WLS: variants seen among roughly 807,000 people sequenced by gnomAD.
WLS encodes Wnt ligand secretion mediator, also known as protein wntless homolog.
A neutral mutation model predicts 62.8 loss-of-function variants in WLS; 23 were observed. That is an observed-to-expected ratio of 0.37 (90% CI 0.26 to 0.52). The LOEUF (loss-of-function observed/expected upper bound fraction) is 0.52. WLS is among the 20% of genes least tolerant of loss of function. WLS has a pLI of 0.92. For missense variants in WLS, 615 were observed against 697.3 expected (o/e 0.88, Z 1.33); for synonymous variants, 246 against 244.1 (o/e 1.01, Z -0.07).
chr1:68,188,468 T>C (rs1648099435), intron 2 of WLS, among the ~76,000 whole-genome samples: 1 of 152,156 alleles, frequency 6.6e-6, no homozygotes, highest in African/African-American at 2.4e-5. Flanking sequence ...TAGTAAGGAC[T>C]CAGAGAAGAC....
chr1:68,180,980 A>C (rs1647534393), intron 2 of WLS, among the ~76,000 whole-genome samples: 1 of 152,246 alleles, frequency 6.6e-6, no homozygotes. Flanking sequence ...TTCTAGCATC[A>C]GTGTGTAGAC....
chr1:68,155,603 C>G (rs894194280), intron 3 of WLS, among the ~76,000 whole-genome samples: 6 of 152,132 alleles, frequency 3.9e-5, no homozygotes, highest in African/African-American at 1.4e-4. Context: ...TCTGCCAGGG[C>G]TACAAGAGTT....
At chr1:68,123,356 C>A (rs1646386607), downstream of WLS, among the ~76,000 whole-genome samples, 1 of 151,882 alleles carries the variant, frequency 6.6e-6, no homozygotes, top group East Asian at 1.9e-4. Context: ...TCTTTGAAAC[C>A]CCACATTTCT....
intron 1 of WLS, among the ~76,000 whole-genome samples, chr1:68,218,627 A>G (rs1649827580): frequency 6.6e-6 from 1 of 152,126 alleles, no homozygotes; most frequent in African/African-American, 2.4e-5. Context: ...CAGTTTACAT[A>G]TGCTCCTTTA....
At chr1:68,112,672 A>G (rs576031426) in intron 11 of WLS, among the ~76,000 whole-genome samples, 8 of 152,320 alleles carry the variant, frequency 5.3e-5, no homozygotes, top group African/African-American at 1.7e-4. Context: ...ATTGCCCCCA[A>G]TCAGGAGTTA....
In WLS at chr1:68,136,403, T is replaced by C. The variant is rs78837152; in HGVS notation, c.1516+1377A>G. Among the ~76,000 whole-genome samples the C allele has an allele frequency of 6.2e-4, 94 of 152,338 alleles. 1 individual carries two copies. In the East Asian group the frequency reaches 0.016, roughly 26 times the overall value. Reference sequence around the variant, plus strand: ...TACACAATAAATGTCATGTGGAAAGTAGACTCATGATCCCCTAGGCATATT... The same window carrying C: ...TACACAATAAATGTCATGTGGAAAGCAGACTCATGATCCCCTAGGCATATT... On this transcript the variant is annotated intron_variant, in intron 11 of 11. Coordinates refer to ENST00000262348, the MANE Select transcript of WLS (RefSeq NM_024911.7).
rs74081369 is a variant in WLS, at chr1:68,107,940, C to G, written c.1511-9187G>C. On this transcript the variant is annotated intron_variant, in intron 11 of 11. Coordinates refer to the WLS transcript ENST00000354777. ...GTGTGGCAGGAGGCCAGTTCTAGAG[C>G]CTTCCAGACCCAGCTCCCCGGGAGA... 3.1e-3 allele frequency among the ~76,000 whole-genome samples: 477 copies of G among 152,264 alleles called. 2 individuals are homozygous for G. The highest frequency in any genetic ancestry group is 0.011 in the African/African-American group (449 of 41,538).
chr1:68,159,051 A>G, intron 3 of WLS, 72 bp downstream of exon 3: 1 of 1,594,260 alleles, frequency 6.3e-7, no homozygotes, highest in Non-Finnish European at 8.6e-7. Context: ...ACACCTATGA[A>G]AAGTAAGCAA....
At chr1:68,127,722 TTAAG>T (rs539591162) in intron 11 of WLS, among the ~76,000 whole-genome samples, 222 of 152,320 alleles carry the variant, frequency 1.5e-3, no homozygotes, top group Non-Finnish European at 2.7e-3. Context: ...AAGCATAGAA[TTAAG>T]TAACTAAATG....
intron 9 of WLS, among the ~76,000 whole-genome samples, chr1:68,145,008 C>T (rs1304193647): frequency 6.6e-6 from 1 of 152,174 alleles, no homozygotes; most frequent in Non-Finnish European, 1.5e-5. Context: ...TAAAATTCTG[C>T]TCCAGTGAAC....
chr1:68,161,841 G>A lies in WLS; in HGVS notation c.380-2594C>T. The A allele has an allele frequency of 6.8e-6, 11 of 1,606,194 alleles. No individual in the cohort carries two copies. The South Asian group carries it at 1.0e-4, about 15-fold the overall frequency. On this transcript the variant is annotated intron_variant, in intron 2 of 11. Coordinates refer to ENST00000262348, the MANE Select transcript of WLS (RefSeq NM_024911.7). ...CCTGGGAAGGATGTGCCACTGTTGG[G>A]AGGTTGTGAGTCACTGGGATGCCTC...
intron 11 of WLS, among the ~76,000 whole-genome samples, chr1:68,100,964 A>G (rs774526104): frequency 4.6e-5 from 7 of 152,074 alleles, no homozygotes; most frequent in African/African-American, 7.2e-5. Flanking sequence ...CTAAATATTT[A>G]TTGCCCCCTG....
chr1:68,101,737 C>CTAGAAACTT lies in WLS; in HGVS notation c.1511-2985_1511-2984insAAGTTTCTA, dbSNP rs1557439766. ...GAAACTTCATGAATTGGGGGTGAGT[C>CTAGAAACTT]TCCCAATGGTGAAAGTTCAGGAAGA... On this transcript the variant is annotated intron_variant, in intron 11 of 11. Coordinates refer to the WLS transcript ENST00000354777. 1.7e-4 allele frequency among the ~76,000 whole-genome samples: 26 copies of CTAGAAACTT among 152,304 alleles called. 1 individual carries two copies. In the East Asian group the frequency reaches 3.7e-3, roughly 21 times the overall value.
intron 2 of WLS, among the ~76,000 whole-genome samples, chr1:68,173,702 A>G (rs17482952): frequency 0.077 from 11,713 of 151,704 alleles, 489 homozygotes; most frequent in Admixed American, 0.1. Flanking sequence ...AAACCAGCTA[A>G]GTATTTTGCC....
In WLS at chr1:68,147,096, T is replaced by C. The variant is rs191957882; in HGVS notation, c.1134+1040A>G. Among the ~76,000 whole-genome samples, 7 of 152,248 alleles carry C rather than the reference T, an allele frequency of 4.6e-5. No homozygotes were observed. In the East Asian group the frequency reaches 1.4e-3, roughly 29 times the overall value. ...GCATTTAATAAGTATGAACTTGGCG[T>C]GCATATTTCATTAAATAATATAATA... On this transcript the variant is annotated intron_variant, in intron 8 of 11. Transcript: ENST00000262348.
At position 68,231,863 on chromosome 1, in the gene WLS, G is replaced by C. The variant is rs755988441; in HGVS notation, c.106+331C>G. The C allele has an allele frequency of 2.2e-4, 67 of 301,922 alleles. 2 individuals carry two copies. The highest frequency in any genetic ancestry group is 1.5e-3 in the South Asian group (60 of 39,104). 18.7% of individuals were successfully genotyped at this position (301,922 alleles called of 1,614,324 possible). On this transcript the variant is annotated intron_variant, in intron 1 of 11. Coordinates refer to ENST00000262348, the MANE Select transcript of WLS (RefSeq NM_024911.7). ...GGGGGAACGCGGGAAAAAGCGGGGG[G>C]GGGGGGGGGCGAGCAATCAACTTTG...
intron 2 of WLS, among the ~76,000 whole-genome samples, chr1:68,182,413 CCTG>C (rs1484432065): frequency 1.3e-5 from 2 of 152,190 alleles, no homozygotes; most frequent in Non-Finnish European, 2.9e-5. Flanking sequence ...TCAAGAAGTG[CCTG>C]AAGATTTCCT....
rs561268544 is a variant in WLS at position 68,139,098 on chromosome 1, T to C, written c.1363-1165A>G. On this transcript the variant is annotated intron_variant, in intron 10 of 11. Transcript: ENST00000262348. The stretch of plus-strand genomic sequence containing the variant: ...GTCAGTTAACCACATTAGCCAATTA[T>C]AGACTTAGCAGTTTTAGTTTGGCCT... Among the ~76,000 whole-genome samples the C allele has an allele frequency of 1.0e-3, 154 of 152,358 alleles. 1 individual carries two copies. The highest frequency in any genetic ancestry group is 3.6e-3 in the African/African-American group (151 of 41,590).
chr1:68,113,636 G>GC (rs1378219959), intron 11 of WLS, among the ~76,000 whole-genome samples: 1 of 152,144 alleles, frequency 6.6e-6, no homozygotes, highest in African/African-American at 2.4e-5. Context: ...TAGAAATATT[G>GC]CCGCAAGCCT....
Sources: allele counts gnomAD v4.1 joint callset (sites outside exome capture counted in the v4.1 genomes callset), GRCh38; gene constraint gnomAD v4.1.1; transcripts MANE v1.5; gene names NCBI Gene and HGNC (gene_info 2026-07-23, HGNC 2026-07-21).